The following ARHGEF12 variants were observed in gnomAD, a reference collection of about 807,000 sequenced individuals.
ARHGEF12 encodes the protein KMT2A/ARHGEF12 fusion protein.
A neutral mutation model predicts 211.2 loss-of-function variants in ARHGEF12; 66 were observed. The ratio of observed to expected loss-of-function variants is 0.31; its 90% confidence interval spans 0.26 to 0.38. ARHGEF12 has a LOEUF of 0.38. Among genes scored for constraint, ARHGEF12 ranks in the 10% least tolerant of loss-of-function variants. The pLI, the probability that ARHGEF12 is intolerant of heterozygous loss-of-function variation, is 1.00. For missense variants in ARHGEF12, 1,429 were observed against 1,869.5 expected (o/e 0.76, Z 4.34); for synonymous variants, 592 against 638.4 (o/e 0.93, Z 1.09).
chr11:120,367,626 A>G (rs1943466953), intron 1 of ARHGEF12, among the ~76,000 whole-genome samples: 1 of 151,980 alleles, frequency 6.6e-6, no homozygotes, highest in Non-Finnish European at 1.5e-5. Context: ...GGCCTCCCAA[A>G]GTGCTGGGAT....
At chr11:120,458,003 T>C (rs1368516702) in intron 24 of ARHGEF12, 77 bp from the exon 25 acceptor site, 7 of 1,480,390 alleles carry the variant, frequency 4.7e-6, no homozygotes, top group Admixed American at 4.6e-5. Flanking sequence ...TAGAATTTAT[T>C]GTAATATAAA....
At chr11:120,403,396 A>C (rs1160190241) in intron 1 of ARHGEF12, among the ~76,000 whole-genome samples, 1 of 151,910 alleles carries the variant, frequency 6.6e-6, no homozygotes, top group Non-Finnish European at 1.5e-5. Flanking sequence ...AACCCCAGCT[A>C]CTCGGGAGGC....
chr11:120,382,485 G>C (rs1943904122), intron 1 of ARHGEF12, among the ~76,000 whole-genome samples: 1 of 152,166 alleles, frequency 6.6e-6, no homozygotes, highest in Non-Finnish European at 1.5e-5. Flanking sequence ...TGCTGTTTAG[G>C]AACCTTCACA....
chr11:120,429,304 A>C, intron 8 of ARHGEF12, 136 bp from the exon 9 acceptor site: 1 of 602,400 alleles, frequency 1.7e-6, no homozygotes, highest in Admixed American at 3.3e-5. Flanking sequence ...TGTCCACATA[A>C]CCCGGAAGTA....
intron 1 of ARHGEF12, among the ~76,000 whole-genome samples, chr11:120,365,111 G>A (rs1246220944): frequency 6.6e-6 from 1 of 151,826 alleles, no homozygotes; most frequent in Non-Finnish European, 1.5e-5. Context: ...AGTGTTTCTG[G>A]GTTGTGAGAT....
chr11:120,478,667 G>C (rs1024764002), intron 37 of ARHGEF12, among the ~76,000 whole-genome samples: 4 of 152,318 alleles, frequency 2.6e-5, no homozygotes, highest in Middle Eastern at 3.4e-3. Context: ...AATTTCTTTG[G>C]CTGGGGAGAA....
At chr11:120,396,427 G>A (rs575264950) in intron 1 of ARHGEF12, among the ~76,000 whole-genome samples, 2 of 152,176 alleles carry the variant, frequency 1.3e-5, no homozygotes, top group East Asian at 1.9e-4. Context: ...GGGAGACGTC[G>A]AGCAACCACT....
intron 11 of ARHGEF12, among the ~76,000 whole-genome samples, chr11:120,433,882 A>G (rs1324178671): frequency 6.6e-6 from 1 of 152,070 alleles, no homozygotes; most frequent in Non-Finnish European, 1.5e-5. Context: ...TGCTTGAACC[A>G]GGGAGGCGGA....
intron 26 of ARHGEF12, among the ~76,000 whole-genome samples, chr11:120,460,437 A>G (rs1441164598): frequency 6.6e-6 from 1 of 152,228 alleles, no homozygotes; most frequent in Non-Finnish European, 1.5e-5. Context: ...ACCACCGTGT[A>G]TGTAATGTGC....
At chr11:120,372,403 C>A (rs1943614425) in intron 1 of ARHGEF12, among the ~76,000 whole-genome samples, 2 of 151,884 alleles carry the variant, frequency 1.3e-5, no homozygotes, top group East Asian at 3.9e-4. Context: ...TATGTAATGC[C>A]TCTGGATTGT....
chr11:120,390,761 A>G (rs1394178965), intron 1 of ARHGEF12, among the ~76,000 whole-genome samples: 3 of 152,196 alleles, frequency 2.0e-5, no homozygotes, highest in Non-Finnish European at 4.4e-5. Context: ...GTGGTAGTCC[A>G]GGGGTTGAAA....
chr11:120,477,619 C>A, intron 36 of ARHGEF12, 93 bp downstream of exon 36: 1 of 1,231,736 alleles, frequency 8.1e-7, no homozygotes, highest in Non-Finnish European at 1.2e-6. Flanking sequence ...AATCCCAGTG[C>A]TTTGGGAGGT....
At chr11:120,418,018 C>G (rs1178842832) in intron 4 of ARHGEF12, among the ~76,000 whole-genome samples, 2 of 151,996 alleles carry the variant, frequency 1.3e-5, no homozygotes, top group East Asian at 3.8e-4. Context: ...TTAGAAGTCT[C>G]TAGAATTTAG....
chr11:120,418,857 A>G (rs1945102790), intron 4 of ARHGEF12, among the ~76,000 whole-genome samples: 1 of 151,950 alleles, frequency 6.6e-6, no homozygotes, highest in Non-Finnish European at 1.5e-5. Flanking sequence ...TGCCCCCTTT[A>G]ACATTTGTCT....
At chr11:120,381,695 C>T (rs983400486) in intron 1 of ARHGEF12, among the ~76,000 whole-genome samples, 1 of 152,180 alleles carries the variant, frequency 6.6e-6, no homozygotes, top group Non-Finnish European at 1.5e-5. Context: ...ACTCTTTGTA[C>T]TGTGCCATTC....
chr11:120,433,197 C>G (rs1945598804), intron 11 of ARHGEF12, among the ~76,000 whole-genome samples: 1 of 152,172 alleles, frequency 6.6e-6, no homozygotes, highest in Non-Finnish European at 1.5e-5. Flanking sequence ...AATAGGTGAT[C>G]TACTTCCACC....
intron 4 of ARHGEF12, among the ~76,000 whole-genome samples, chr11:120,416,873 A>C (rs1216168154): frequency 6.6e-6 from 1 of 152,088 alleles, no homozygotes; most frequent in Non-Finnish European, 1.5e-5. Context: ...GATGGTCTCA[A>C]TCTCTTGACT....
At chr11:120,483,258 C>CTTTTTT (rs777120176) in intron 39 of ARHGEF12, among the ~76,000 whole-genome samples, 17 of 97,500 alleles carry the variant, frequency 1.7e-4, no homozygotes, top group East Asian at 2.7e-4. Context: ...CCATAATAAT[C>CTTTTTT]TTTTTTTTTT....
At chr11:120,369,303 A>G (rs1170369282) in intron 1 of ARHGEF12, among the ~76,000 whole-genome samples, 1 of 151,740 alleles carries the variant, frequency 6.6e-6, no homozygotes, top group East Asian at 1.9e-4. Flanking sequence ...TAATTTTTAT[A>G]TGTTTAGTAG....
Sources: gnomAD v4.1 joint callset for allele counts (sites outside exome capture counted in the v4.1 genomes callset) on GRCh38, gnomAD v4.1.1 for gene constraint, MANE v1.5 for transcripts, NCBI Gene and HGNC (gene_info 2026-07-23, HGNC 2026-07-21) for gene names.